Variants in KHNYN observed in about 807,000 individuals in gnomAD.
KHNYN encodes the protein KH and NYN domain containing.
KHNYN carries 42 observed loss-of-function variants against 62.7 expected under a neutral mutation model. That is an observed-to-expected ratio of 0.67 (90% CI 0.52 to 0.87). The LOEUF (loss-of-function observed/expected upper bound fraction) is 0.87. Ranked by LOEUF, KHNYN falls within the 40% of genes least tolerant of loss-of-function variation. KHNYN has a pLI of 0.00. For synonymous variants in KHNYN, 347 were observed against 345.6 expected (o/e 1.00, Z -0.04); for missense variants, 829 against 874.1 (o/e 0.95, Z 0.65).
At chr14:24,430,623 G>C in intron 1 of KHNYN, 91 bp from the exon 2 acceptor site, 1 of 1,486,508 alleles carries the variant, frequency 6.7e-7, no homozygotes, top group Non-Finnish European at 9.0e-7. Flanking sequence ...GCCTTAACTA[G>C]GTGCGACCTG....
At chr14:24,434,375 C>T in intron 5 of KHNYN, 3 of 985,184 alleles carry the variant, frequency 3.0e-6, no homozygotes, top group Non-Finnish European at 3.6e-6. Context: ...TGGAAAATAC[C>T]ATTTGCATAC....
rs1335816764 is a variant in KHNYN, at chr14:24,438,317, T to C, written c.*1032T>C. 2 of 152,642 alleles carry C rather than the reference T, an allele frequency of 1.3e-5. No individual in the cohort carries two copies. Among genetic ancestry groups the C allele is most frequent in the East Asian group, 1.9e-4 (1 of 5,198 alleles). The allele number at this position is 152,642 out of a possible 1,614,324, so 9.5% of individuals were successfully genotyped here. A position where few individuals can be genotyped will look rare whatever the true frequency, so the allele number is the denominator to read the frequency against. On this transcript the variant is annotated 3_prime_UTR_variant, in exon 8 of 8. Coordinates refer to ENST00000553935, the MANE Select transcript of KHNYN (RefSeq NM_015299.3). ...GATTTTTCACCAATCGATGAAGCCA[T>C]GCTCTGCAATGACAATATTAATGTG...
rs563403841 is a variant in KHNYN, at chr14:24,437,454, C to T, written c.*169C>T. On this transcript the variant is annotated 3_prime_UTR_variant, in exon 8 of 8. Transcript: ENST00000553935. The surrounding 1 kb of genome is among the most constrained non-coding windows in gnomAD (Gnocchi z 5.5). Reference sequence around the variant, plus strand: ...GGTCCATAAAGTGAACTGATCTTACCGAGTCAGGACCTCAGCCAGCTCTCA... The same window carrying T: ...GGTCCATAAAGTGAACTGATCTTACTGAGTCAGGACCTCAGCCAGCTCTCA... 100 of 717,860 alleles carry T rather than the reference C, an allele frequency of 1.4e-4. No individual in the cohort carries two copies. Among genetic ancestry groups the T allele is most frequent in the Non-Finnish European group, 8.7e-5 (39 of 450,074 alleles). 44.5% of individuals were successfully genotyped at this position (717,860 alleles called of 1,614,324 possible).
chr14:24,437,628 G>A lies in KHNYN; in HGVS notation c.*343G>A, dbSNP rs2043227282. ...CTAGGGTGGAGGGCAGGGTGGGCAG[G>A]AAGTGACAGGAAGTTAAGCTGTTCC... On this transcript the variant is annotated 3_prime_UTR_variant, in exon 8 of 8. Coordinates refer to ENST00000553935, the MANE Select transcript of KHNYN (RefSeq NM_015299.3). The surrounding 1 kb of genome is among the most constrained non-coding windows in gnomAD (Gnocchi z 5.5). 4.8e-6 allele frequency: 1 copy of A among 207,606 alleles called. No homozygotes were observed. The highest frequency in any genetic ancestry group is 9.8e-6 in the Non-Finnish European group (1 of 101,676). 12.9% of individuals were successfully genotyped at this position (207,606 alleles called of 1,614,324 possible). A position where few individuals can be genotyped will look rare whatever the true frequency, so the allele number is the denominator to read the frequency against.
chr14:24,438,409 TG>T lies in KHNYN; in HGVS notation c.*1125del. 1 of 152,682 alleles carries T rather than the reference TG, an allele frequency of 6.5e-6. No homozygotes were observed. Among genetic ancestry groups the T allele is most frequent in the East Asian group, 1.9e-4 (1 of 5,188 alleles). The allele number at this position is 152,682 out of a possible 1,614,324, so 9.5% of individuals were successfully genotyped here. A position where few individuals can be genotyped will look rare whatever the true frequency, so the allele number is the denominator to read the frequency against. Reference sequence around the variant, plus strand: ...TAAAGCAAGGCACACTTCTGCTTTATGTGTGTGTGTATGGGGATGGGAGGAC... The same window carrying T: ...TAAAGCAAGGCACACTTCTGCTTTATTGTGTGTGTATGGGGATGGGAGGAC... On this transcript the variant is annotated 3_prime_UTR_variant, in exon 8 of 8. Transcript: ENST00000553935.
intron 1 of KHNYN, 25 bp downstream of exon 1, chr14:24,430,144 C>T: frequency 1.0e-6 from 1 of 983,288 alleles, no homozygotes; most frequent in Non-Finnish European, 1.2e-6. Flanking sequence ...CCACCGCGCC[C>T]GGGAGCGGGG....
upstream of KHNYN, among the ~76,000 whole-genome samples, chr14:24,426,198 A>G (rs1456628465): frequency 2.0e-5 from 3 of 152,246 alleles, no homozygotes; most frequent in Non-Finnish European, 4.4e-5. Flanking sequence ...TCAAATTGTC[A>G]AAGCATGTCA....
chr14:24,426,770 A>G (rs941353577), upstream of KHNYN: 2 of 152,280 alleles, frequency 1.3e-5, no homozygotes, highest in Non-Finnish European at 2.9e-5. Context: ...AGAGGGTCTG[A>G]AGGAATGAAT....
rs2043218248 is a variant in KHNYN, at chr14:24,437,120, A to G, written c.1872A>G (p.Lys624=). 6.2e-7 allele frequency: 1 copy of G among 1,614,134 alleles called. No homozygotes were observed. The highest frequency in any genetic ancestry group is 8.5e-7 in the Non-Finnish European group (1 of 1,180,018). Residue 624 remains lysine, a synonymous_variant, in exon 8 of 8, where the codon AAA becomes AAG. Transcript: ENST00000553935. This position sits in a 1 kb window ranked among gnomAD's most constrained non-coding sequence, Gnocchi z 5.5. ...AGCAGCAGGGGAGAGAAGAGGAAAAAGGTAGTGGTGGCATTCGGAAGACCC... is the reference window on the plus strand; with the variant it reads ...AGCAGCAGGGGAGAGAAGAGGAAAAGGGTAGTGGTGGCATTCGGAAGACCC... ...GKQQQGREEE[K]GSGGIRKTRE...
chr14:24,428,935 C>T (rs758885623), upstream of KHNYN: 5 of 1,556,462 alleles, frequency 3.2e-6, no homozygotes, highest in Non-Finnish European at 4.3e-6. Context: ...CCCCCTCCAG[C>T]AGGACGGGCT....
At position 24,436,995 on chromosome 14, in the gene KHNYN, C is replaced by G. The variant is rs765366637; in HGVS notation, c.1788-41C>G. ...TGCCCACTAAGATCTAATTTCCCCC[C>G]CAGGATGCTCATCAGCTCTTTTTGG... On this transcript the variant is annotated intron_variant, in intron 7 of 7. Coordinates refer to ENST00000553935, the MANE Select transcript of KHNYN (RefSeq NM_015299.3). 9.5e-6 allele frequency: 15 copies of G among 1,585,990 alleles called. No individual in the cohort carries two copies. In the Admixed American group the frequency reaches 1.4e-4, roughly 15 times the overall value.
chr14:24,439,926 G>A lies in KHNYN; in HGVS notation c.*2641G>A, dbSNP rs2043269423. Reference sequence around the variant, plus strand: ...CCCAACCTGATGAGATTACGGCCTTGAGACAATAAGGTGGAGCAACAGAAC... The same window carrying A: ...CCCAACCTGATGAGATTACGGCCTTAAGACAATAAGGTGGAGCAACAGAAC... On this transcript the variant is annotated 3_prime_UTR_variant, in exon 8 of 8. Coordinates refer to ENST00000553935, the MANE Select transcript of KHNYN (RefSeq NM_015299.3). 1 of 624,862 alleles carries A rather than the reference G, an allele frequency of 1.6e-6. No individual in the cohort carries two copies. The allele number at this position is 624,862 out of a possible 1,614,324, so 38.7% of individuals were successfully genotyped here.
At chr14:24,429,604 A>AC (rs1156492317), upstream of KHNYN, 1 of 922,290 alleles carries the variant, frequency 1.1e-6, no homozygotes, top group Non-Finnish European at 1.4e-6. Flanking sequence ...CCTCCCGCCT[A>AC]CCCCCTCCGC....
rs1315683084 is a variant in KHNYN, at chr14:24,437,251, A to G, written c.2003A>G (p.Gln668Arg). 2 of 1,614,086 alleles carry G rather than the reference A, an allele frequency of 1.2e-6. No homozygotes were observed. The highest frequency in any genetic ancestry group is 1.1e-5 in the South Asian group (1 of 91,066). Residue 668 changes from glutamine to arginine, a missense_variant, in exon 8 of 8, where the codon CAA (glutamine) becomes CGA (arginine). This residue lies in a region of KHNYN where 270 missense variants were observed against 347.1 expected (regional missense o/e 0.78). Transcript: ENST00000553935. The surrounding 1 kb of genome is among the most constrained non-coding windows in gnomAD (Gnocchi z 5.5). ...GAGCCATACTGCCGGGACATCAACC[A>G]ACTGTCTGAGGCCCTGCTCAGTCTT... ...QREPYCRDINQLSEALLSLNF is the reference protein window; with the variant it reads ...QREPYCRDINRLSEALLSLNF
chr14:24,430,250 G>C lies in KHNYN; in HGVS notation c.-18+131G>C. On this transcript the variant is annotated intron_variant, in intron 1 of 7. Transcript: ENST00000553935. ...CCGGCCCGGCCCCTGGGCCCTGGGC[G>C]GTGCTCCTGGCCCGACGGAGAGGGG... 3 of 798,894 alleles carry C rather than the reference G, an allele frequency of 3.8e-6. No individual in the cohort carries two copies. The South Asian group carries it at 1.7e-4, about 45-fold the overall frequency. The allele number at this position is 798,894 out of a possible 1,614,324, so 49.5% of individuals were successfully genotyped here.
intron 5 of KHNYN, chr14:24,434,388 T>C: frequency 1.0e-6 from 1 of 984,842 alleles, no homozygotes; most frequent in South Asian, 4.7e-5. Flanking sequence ...TTGCATACCA[T>C]AAGTGTACCA....
Position 24,432,139 on chromosome 14 carries a change from G to C in KHNYN, c.878G>C (p.Gly293Ala). The change falls in exon 3 of 8, where the codon GGT becomes GCT. Residue 293 changes from glycine (G) to alanine (A), a missense_variant. Transcript: ENST00000553935. This position sits in a 1 kb window ranked among gnomAD's most constrained non-coding sequence, Gnocchi z 5.6. ...GTGGCCCTCAGGCCACAGTCAGTGG[G>C]TGGAGGGGCAAGGGAGTCAGCACCC... ...REVALRPQSV[G>A]GGARESAPLK... The C allele has an allele frequency of 6.4e-7, 1 of 1,554,290 alleles. No individual in the cohort carries two copies. The highest frequency in any genetic ancestry group is 8.7e-7 in the Non-Finnish European group (1 of 1,149,480).
Position 24,437,435 on chromosome 14 carries a change from T to A in KHNYN, c.*150T>A. 1 of 850,302 alleles carries A rather than the reference T, an allele frequency of 1.2e-6. No individual in the cohort carries two copies. Among genetic ancestry groups the A allele is most frequent in the Non-Finnish European group, 1.8e-6 (1 of 560,736 alleles). The allele number at this position is 850,302 out of a possible 1,614,324, so 52.7% of individuals were successfully genotyped here. ...GGGAAGCCACTTTGGGACAGGTCCATAAAGTGAACTGATCTTACCGAGTCA... is the reference window on the plus strand; with the variant it reads ...GGGAAGCCACTTTGGGACAGGTCCAAAAAGTGAACTGATCTTACCGAGTCA... On this transcript the variant is annotated 3_prime_UTR_variant, in exon 8 of 8. Coordinates refer to ENST00000553935, the MANE Select transcript of KHNYN (RefSeq NM_015299.3). This position sits in a 1 kb window ranked among gnomAD's most constrained non-coding sequence, Gnocchi z 5.5.
rs1340081176 is a variant in KHNYN, at chr14:24,431,489, A to G, written c.228A>G (p.Pro76=). ...AGTACCTGAAGGGCCTCTGCAGCCCAGAACTGCAGGATGAAATCCACTACC... is the reference window on the plus strand; with the variant it reads ...AGTACCTGAAGGGCCTCTGCAGCCCGGAACTGCAGGATGAAATCCACTACC... ...AKEYLKGLCS[P]ELQDEIHYPP... is the part of the protein sequence containing the mutation. Residue 76 remains proline (P), a synonymous_variant, in exon 3 of 8, where the codon CCA becomes CCG. Transcript: ENST00000553935. 1.3e-6 allele frequency: 2 copies of G among 1,589,732 alleles called. No individual in the cohort carries two copies. Among genetic ancestry groups the G allele is most frequent in the African/African-American group, 2.7e-5 (2 of 74,608 alleles).
Sources: gnomAD v4.1 joint callset for allele counts (sites outside exome capture counted in the v4.1 genomes callset) on GRCh38, gnomAD v4.1.1 for gene constraint, gnomAD v4.1.1 regional missense constraint, Gnocchi (gnomAD v3.1) non-coding constraint, MANE v1.5 for transcripts, NCBI Gene and HGNC (gene_info 2026-07-23, HGNC 2026-07-21) for gene names.